Variants in ATP6V0A4 observed in about 807,000 individuals in gnomAD.
ATP6V0A4 encodes ATPase H+ transporting V0 subunit a4.
In ATP6V0A4, 86 loss-of-function variants were observed where a neutral mutation model predicts 107.3. That is an observed-to-expected ratio of 0.80 (90% CI 0.67 to 0.96). ATP6V0A4 has a LOEUF of 0.96. ATP6V0A4 is among the 40% of genes least tolerant of loss of function. The pLI is 0.00. For synonymous variants in ATP6V0A4, 353 were observed against 381.4 expected (o/e 0.93, Z 0.87); for missense variants, 908 against 1,045.6 (o/e 0.87, Z 1.81).
intron 10 of ATP6V0A4, 39 bp downstream of exon 10, chr7:138,755,650 C>T (rs777117179): frequency 1.6e-5 from 25 of 1,611,254 alleles, no homozygotes; most frequent in African/African-American, 2.7e-5. Context: ...AGCCCTCCTG[C>T]AGCTGCCATC....
Position 138,706,461 on chromosome 7 carries a change from C to T in ATP6V0A4, c.*163G>A, listed in dbSNP as rs1209803709. On this transcript the variant is annotated 3_prime_UTR_variant, in exon 22 of 22. Transcript: ENST00000310018. ...AGTCCTTCCTCTGACGTGGTTAAGT[C>T]GTATCAAATCCACAGGCTGACGTCC... is the stretch of plus-strand genomic sequence containing the variant. 4 of 828,820 alleles carry T rather than the reference C, an allele frequency of 4.8e-6. No individual in the cohort carries two copies. The highest frequency in any genetic ancestry group is 3.4e-5 in the African/African-American group (2 of 59,388). The allele number at this position is 828,820 out of a possible 1,614,324, so 51.3% of individuals were successfully genotyped here. A position where few individuals can be genotyped will look rare whatever the true frequency, so the allele number is the denominator to read the frequency against.
At chr7:138,772,634 G>A (rs2122665) in intron 2 of ATP6V0A4, among the ~76,000 whole-genome samples, 5 of 151,972 alleles carry the variant, frequency 3.3e-5, no homozygotes, top group Admixed American at 1.3e-4. Context: ...CCACCATACT[G>A]TAACAGATGC....
chr7:138,796,964 C>T (rs574764551), intron 1 of ATP6V0A4, among the ~76,000 whole-genome samples: 9 of 152,304 alleles, frequency 5.9e-5, no homozygotes, highest in African/African-American at 2.2e-4. Flanking sequence ...CCCTTTGCTT[C>T]CTGACTTTGT....
At chr7:138,790,120 T>C (rs1023312887) in intron 1 of ATP6V0A4, among the ~76,000 whole-genome samples, 1 of 152,152 alleles carries the variant, frequency 6.6e-6, no homozygotes, top group African/African-American at 2.4e-5. Context: ...ATATGACTAC[T>C]ACTAACATTT....
intron 2 of ATP6V0A4, among the ~76,000 whole-genome samples, chr7:138,776,044 T>G (rs1307913192): frequency 6.6e-6 from 1 of 152,114 alleles, no homozygotes; most frequent in Admixed American, 6.6e-5. Context: ...ACTCCTAGCC[T>G]ACAAGTAATC....
chr7:138,766,673 G>A (rs888210870), intron 5 of ATP6V0A4, among the ~76,000 whole-genome samples: 1 of 152,068 alleles, frequency 6.6e-6, no homozygotes, highest in African/African-American at 2.4e-5. Flanking sequence ...TATCAGTCAA[G>A]ATTGAATCTT....
At chr7:138,727,391 C>T (rs149862379) in intron 18 of ATP6V0A4, among the ~76,000 whole-genome samples, 220 of 152,338 alleles carry the variant, frequency 1.4e-3, no homozygotes, top group African/African-American at 5.1e-3. Context: ...CAAGCACCCA[C>T]CTCAACAACC....
chr7:138,747,025 A>G (rs1275134767), intron 13 of ATP6V0A4, among the ~76,000 whole-genome samples: 1 of 152,180 alleles, frequency 6.6e-6, no homozygotes, highest in Non-Finnish European at 1.5e-5. Flanking sequence ...TTTTTGAAAA[A>G]TTGGTGGATA....
Position 138,712,917 on chromosome 7 carries a change from C to T in ATP6V0A4, c.2257+2847G>A, listed in dbSNP as rs1001663345. Among the ~76,000 whole-genome samples the T allele has an allele frequency of 5.9e-5, 9 of 152,220 alleles. No individual in the cohort carries two copies. The East Asian group carries it at 7.7e-4, about 13-fold the overall frequency. ...CATTACCACCACTGACTGCACGAAGCGCTGAGATCCACTCTAAGGAACAAG... is the reference window on the plus strand; with the variant it reads ...CATTACCACCACTGACTGCACGAAGTGCTGAGATCCACTCTAAGGAACAAG... On this transcript the variant is annotated intron_variant, in intron 20 of 21. Coordinates refer to ENST00000310018, the MANE Select transcript of ATP6V0A4 (RefSeq NM_020632.3).
At chr7:138,760,527 C>T (rs1012596493) in intron 7 of ATP6V0A4, among the ~76,000 whole-genome samples, 1 of 151,234 alleles carries the variant, frequency 6.6e-6, no homozygotes, top group African/African-American at 2.4e-5. Flanking sequence ...ACAGTAGTCT[C>T]TATGCATTTT....
intron 1 of ATP6V0A4, among the ~76,000 whole-genome samples, chr7:138,791,825 G>A (rs1245499788): frequency 1.3e-5 from 2 of 152,072 alleles, no homozygotes; most frequent in South Asian, 2.1e-4. Context: ...ATTCTTCAAA[G>A]AGAAGGAAAA....
chr7:138,763,024 G>A lies in ATP6V0A4; in HGVS notation c.293C>T (p.Thr98Ile), dbSNP rs1394108506. 1.2e-6 allele frequency: 2 copies of A among 1,614,072 alleles called. No homozygotes were observed. Among genetic ancestry groups the A allele is most frequent in the Non-Finnish European group, 1.7e-6 (2 of 1,180,008 alleles). ...CTCTCCTTCCAGTTTTTCTAGAACA[G>A]TCTATGCAGGAAGGAAAAAGAAGGT... is the stretch of plus-strand genomic sequence containing the variant. Reference protein sequence around the residue: ...PLPREMITLETVLEKLEGELQ... With the variant: ...PLPREMITLEIVLEKLEGELQ... Residue 98 changes from threonine to isoleucine, a missense_variant and splice_region_variant, in exon 6 of 22, where the codon ACT becomes ATT. Thr to Ile is a moderately conservative substitution (Grantham distance 89). Transcript: ENST00000310018.
At chr7:138,725,849 T>C (rs1804684621) in intron 18 of ATP6V0A4, among the ~76,000 whole-genome samples, 1 of 152,008 alleles carries the variant, frequency 6.6e-6, no homozygotes, top group South Asian at 2.1e-4. Context: ...CATTTCTCGA[T>C]TTAAGTGCTG....
Position 138,715,280 on chromosome 7 carries a change from C to A in ATP6V0A4, c.2257+484G>T, listed in dbSNP as rs527334590. ...GCAGTGATGTGATCTCGGCTCACTG[C>A]GACCTCTGCCTTCCGGGTTCAAGCA... is the stretch of plus-strand genomic sequence containing the variant. On this transcript the variant is annotated intron_variant, in intron 20 of 21. Transcript: ENST00000310018. 2.0e-5 allele frequency among the ~76,000 whole-genome samples: 3 copies of A among 152,252 alleles called. No individual in the cohort carries two copies. In the South Asian group the frequency reaches 6.2e-4, roughly 32 times the overall value.
Position 138,762,966 on chromosome 7 carries a change from C to A in ATP6V0A4, c.351G>T (p.Leu117Phe). The A allele has an allele frequency of 6.2e-7, 1 of 1,614,180 alleles. No homozygotes were observed. The stretch of plus-strand genomic sequence containing the variant: ...CTGTCAGTTCTAGGAAGCTTTGTTT[C>A]AAGGCCTGCTGGTTCTGGTTGGCTT... ...LQEANQNQQALKQSFLELTEL... is the reference protein window; with the variant it reads ...LQEANQNQQAFKQSFLELTEL... Residue 117 changes from leucine (L) to phenylalanine (F), a missense_variant, in exon 6 of 22, where the codon TTG becomes TTT. Coordinates refer to ENST00000310018, the MANE Select transcript of ATP6V0A4 (RefSeq NM_020632.3).
Position 138,715,866 on chromosome 7 carries a change from C to T in ATP6V0A4, c.2155G>A (p.Val719Ile), listed in dbSNP as rs114055236. The T allele has an allele frequency of 9.9e-5, 160 of 1,613,230 alleles. 2 individuals are homozygous for T. The African/African-American group carries it at 1.9e-3, about 20-fold the overall frequency. The change falls in exon 20 of 22, where the codon GTC becomes ATC. Residue 719 changes from valine (V) to isoleucine (I), a missense_variant. Coordinates refer to ENST00000310018, the MANE Select transcript of ATP6V0A4 (RefSeq NM_020632.3). ...DHGEEFNFGD[V>I]FVHQAIHTIE... ...GTGTGGATGGCTTGGTGGACAAAGA[C>T]GTCTCCAAAGTTGAACTGAAAGACG...
intron 15 of ATP6V0A4, among the ~76,000 whole-genome samples, chr7:138,737,079 T>C (rs77907648): frequency 0.014 from 1,818 of 132,544 alleles, 60 homozygotes; most frequent in African/African-American, 0.05. Flanking sequence ...AAATGCACTG[T>C]AGAAATTTGT....
chr7:138,732,152 A>T (rs946107301), intron 17 of ATP6V0A4, among the ~76,000 whole-genome samples: 1 of 152,142 alleles, frequency 6.6e-6, no homozygotes, highest in Middle Eastern at 3.4e-3. Context: ...TTGTCTTCTG[A>T]TTCTATTTCA....
intron 1 of ATP6V0A4, among the ~76,000 whole-genome samples, chr7:138,795,542 G>A (rs763745911): frequency 1.2e-4 from 19 of 152,182 alleles, no homozygotes; most frequent in Non-Finnish European, 2.5e-4. Context: ...TGCACCCAGC[G>A]TCCCACATTA....
Sources: allele counts gnomAD v4.1 joint callset (sites outside exome capture counted in the v4.1 genomes callset), GRCh38; gene constraint gnomAD v4.1.1; transcripts MANE v1.5; gene names NCBI Gene and HGNC (gene_info 2026-07-23, HGNC 2026-07-21).